CUX1: variants seen among roughly 807,000 people sequenced by gnomAD.
CUX1 encodes the protein protein CASP.
CUX1 carries 31 observed loss-of-function variants against 158.8 expected under a neutral mutation model. The observed-to-expected ratio is 0.20, with a 90% CI of 0.15 to 0.26. CUX1 has a LOEUF of 0.26. CUX1 is among the 10% of genes least tolerant of loss of function. CUX1 has a pLI of 1.00. For synonymous variants in CUX1, 879 were observed against 862.1 expected (o/e 1.02, Z -0.34); for missense variants, 1,589 against 2,014.6 (o/e 0.79, Z 4.04).
intron 20 of CUX1, 37 bp from the exon 21 acceptor site, chr7:102,227,330 A>G (rs782546037): frequency 1.9e-5 from 29 of 1,564,924 alleles, no homozygotes; most frequent in African/African-American, 1.1e-4. Flanking sequence ...AAAGACAGCT[A>G]TTTTCAGGCA....
At chr7:101,904,123 C>T (rs1329442226) in intron 1 of CUX1, among the ~76,000 whole-genome samples, 1 of 150,700 alleles carries the variant, frequency 6.6e-6, no homozygotes, top group Non-Finnish European at 1.5e-5. Context: ...ACAAAACACA[C>T]ACACACACAC....
At chr7:102,036,132 A>G (rs1821399870) in intron 3 of CUX1, among the ~76,000 whole-genome samples, 1 of 151,920 alleles carries the variant, frequency 6.6e-6, no homozygotes, top group African/African-American at 2.4e-5. Context: ...ACACCCAGCT[A>G]ATTTTTGTGT....
chr7:102,218,761 A>G (rs1797491735), intron 20 of CUX1, among the ~76,000 whole-genome samples: 1 of 151,654 alleles, frequency 6.6e-6, no homozygotes, highest in African/African-American at 2.4e-5. Context: ...ACCTAAAAAC[A>G]TATATTGTTG....
intron 23 of CUX1, among the ~76,000 whole-genome samples, chr7:102,240,622 A>G (rs1800098264): frequency 6.6e-6 from 1 of 151,798 alleles, no homozygotes; most frequent in South Asian, 2.1e-4. Flanking sequence ...TTATCTTCCA[A>G]ATTAGTTTGA....
downstream of CUX1, among the ~76,000 whole-genome samples, chr7:102,259,033 G>A (rs1481102206): frequency 7.2e-5 from 11 of 152,172 alleles, no homozygotes; most frequent in Non-Finnish European, 1.5e-5. Context: ...TGGTGGAAGT[G>A]GGGGATGACT....
intron 23 of CUX1, 75 bp downstream of exon 23, chr7:102,239,659 G>T (rs1198507225): frequency 2.0e-6 from 3 of 1,521,706 alleles, no homozygotes; most frequent in Non-Finnish European, 2.7e-6. Context: ...CCGCCATGGC[G>T]CACAGGGGTG....
At chr7:102,190,603 C>T (rs782395263) in intron 12 of CUX1, among the ~76,000 whole-genome samples, 2 of 152,292 alleles carry the variant, frequency 1.3e-5, no homozygotes, top group Admixed American at 1.3e-4. Context: ...CTGGCATGCC[C>T]GCCTCACTCC....
At chr7:102,039,584 G>A (rs1340729625) in intron 3 of CUX1, among the ~76,000 whole-genome samples, 2 of 151,712 alleles carry the variant, frequency 1.3e-5, no homozygotes, top group Non-Finnish European at 1.5e-5. Context: ...GAGCCCAGGA[G>A]GTTGAGGCTG....
intron 1 of CUX1, among the ~76,000 whole-genome samples, chr7:101,829,609 T>A (rs1385241566): frequency 6.8e-6 from 1 of 148,074 alleles, no homozygotes; most frequent in Non-Finnish European, 1.5e-5. Context: ...AGGGACCTCT[T>A]CTCAGGGGCC....
intron 8 of CUX1, among the ~76,000 whole-genome samples, chr7:102,154,882 C>T (rs1554504659): frequency 2.0e-5 from 3 of 152,212 alleles, no homozygotes; most frequent in Admixed American, 6.5e-5. Context: ...CCTAGACCCA[C>T]ATTCAGTGTC....
At chr7:101,921,013 G>A (rs1056627553) in intron 2 of CUX1, among the ~76,000 whole-genome samples, 16 of 152,038 alleles carry the variant, frequency 1.1e-4, no homozygotes, top group Middle Eastern at 6.8e-3. Flanking sequence ...TGAAGAGACC[G>A]GGTCTCACTT....
Position 102,195,553 on chromosome 7 carries a change from C to T in CUX1, c.1172C>T (p.Ser391Leu), listed in dbSNP as rs1336338600. 8.7e-6 allele frequency: 14 copies of T among 1,613,002 alleles called. No individual in the cohort carries two copies. In the African/African-American group the frequency reaches 1.1e-4, roughly 12 times the overall value. The change falls in exon 14 of 24, where the codon TCG (serine) becomes TTG (leucine). Residue 391 changes from serine (S) to leucine (L), a missense_variant. By Grantham distance (145) the Ser-to-Leu change is moderately radical (BLOSUM62 -2). This residue lies in a region of CUX1 where 515 missense variants were observed against 574.4 expected (regional missense o/e 0.90). Transcript: ENST00000292535. The stretch of plus-strand genomic sequence containing the variant: ...GTGCTGTTGCTGGAGAAGAACCGCT[C>T]GCTGCAGTCCGAGAACGCCGCGCTG... ...LEVLLLEKNR[S>L]LQSENAALRI...
At chr7:102,103,593 G>A (rs1372448884) in intron 5 of CUX1, among the ~76,000 whole-genome samples, 5 of 152,166 alleles carry the variant, frequency 3.3e-5, no homozygotes, top group South Asian at 2.1e-4. Flanking sequence ...GTGCTACCAC[G>A]TCCAGCTAAT....
intron 3 of CUX1, among the ~76,000 whole-genome samples, chr7:102,035,271 C>T (rs1821294454): frequency 6.6e-6 from 1 of 152,050 alleles, no homozygotes; most frequent in South Asian, 2.1e-4. Context: ...CCCATACAAC[C>T]ATGCCGTTTG....
intron 8 of CUX1, among the ~76,000 whole-genome samples, chr7:102,130,872 G>A (rs943744760): frequency 6.6e-6 from 1 of 152,130 alleles, no homozygotes; most frequent in Admixed American, 6.6e-5. Context: ...CTGCAGGCTG[G>A]GAGTGGTGGC....
intron 1 of CUX1, among the ~76,000 whole-genome samples, chr7:101,847,750 T>C (rs541676266): frequency 2.6e-5 from 4 of 151,974 alleles, no homozygotes; most frequent in South Asian, 2.1e-4. Flanking sequence ...TAAAGTGTTA[T>C]GGTGTTGGCA....
intron 8 of CUX1, among the ~76,000 whole-genome samples, chr7:102,131,832 C>T (rs1190451186): frequency 6.6e-6 from 1 of 151,876 alleles, no homozygotes; most frequent in Non-Finnish European, 1.5e-5. Context: ...ACCACCATGC[C>T]TAGCCAATTT....
rs1819175554 is a variant in CUX1, at chr7:102,020,152, T to C, written c.142-7946T>C. 2.0e-5 allele frequency among the ~76,000 whole-genome samples: 3 copies of C among 152,288 alleles called. No individual in the cohort carries two copies. The East Asian group carries it at 5.8e-4, about 29-fold the overall frequency. On this transcript the variant is annotated intron_variant, in intron 2 of 23. Coordinates refer to ENST00000292535, the MANE Select transcript of CUX1 (RefSeq NM_181552.4). The stretch of plus-strand genomic sequence containing the variant: ...TGAGAAATTGCCAGGACATACTTAC[T>C]GTCTGCTGTTGTATAGAAAGATATT...
intron 14 of CUX1, among the ~76,000 whole-genome samples, chr7:102,272,601 C>T (rs1791296890): frequency 1.3e-5 from 2 of 152,374 alleles, no homozygotes; most frequent in South Asian, 2.1e-4. Flanking sequence ...ACCTCACCCT[C>T]AGGGCTGCCT....
Sources: gnomAD v4.1 joint callset for allele counts (sites outside exome capture counted in the v4.1 genomes callset) on GRCh38, gnomAD v4.1.1 for gene constraint, gnomAD v4.1.1 regional missense constraint, MANE v1.5 for transcripts, NCBI Gene and HGNC (gene_info 2026-07-23, HGNC 2026-07-21) for gene names.